The following DMD variants were observed in gnomAD, a reference collection of about 807,000 sequenced individuals.
DMD encodes mutant dystrophin.
A neutral mutation model predicts 330.1 loss-of-function variants in DMD; 63 were observed. The ratio of observed to expected loss-of-function variants is 0.19; its 90% CI spans 0.16 to 0.24. The LOEUF is 0.24. Among genes scored for constraint, DMD ranks in the 10% least tolerant of loss-of-function variants. The pLI, the probability that DMD is intolerant of heterozygous loss-of-function variation, is 1.00. For missense variants in DMD, 3,344 were observed against 2,684.1 expected (o/e 1.25, Z -5.43); for synonymous variants, 1,223 against 959.8 (o/e 1.27, Z -5.07).
intron 76 of DMD, among the ~76,000 whole-genome samples, chrX:31,138,625 GA>G (rs1363884840): frequency 9.2e-3 from 2 of 218 alleles, no homozygotes; most frequent in East Asian, 0.067. Flanking sequence ...ATGGCAGCAG[GA>G]GAGAGAGAGA....
chrX:31,920,890 T>C (rs1384159333), intron 47 of DMD, among the ~76,000 whole-genome samples: 1 of 112,417 alleles, frequency 8.9e-6, no homozygotes, highest in Non-Finnish European at 1.9e-5. Flanking sequence ...AACAATGAAG[T>C]TTCACTATGG....
chrX:31,302,821 C>T (rs1433010410), intron 62 of DMD, among the ~76,000 whole-genome samples: 1 of 111,522 alleles, frequency 9.0e-6, no homozygotes, highest in Non-Finnish European at 1.9e-5. Context: ...AGACCTCTGA[C>T]AAGCAACCAA....
intron 1 of DMD, among the ~76,000 whole-genome samples, chrX:33,232,282 T>C (rs1333871720): frequency 9.0e-6 from 1 of 111,346 alleles, no homozygotes; most frequent in South Asian, 3.7e-4. Flanking sequence ...AAGGAAAAAA[T>C]GAAAGTAAAA....
intron 62 of DMD, among the ~76,000 whole-genome samples, chrX:31,286,957 G>C (rs2053260643): frequency 8.9e-6 from 1 of 112,242 alleles, no homozygotes; most frequent in African/African-American, 3.2e-5. Flanking sequence ...GTAGAGACAG[G>C]TTTCGCCATG....
At chrX:31,944,663 CTTTTTTTT>C (rs1176678451) in intron 45 of DMD, among the ~76,000 whole-genome samples, 2 of 81,507 alleles carry the variant, frequency 2.5e-5, no homozygotes, top group East Asian at 7.9e-4. Flanking sequence ...TTTTGTTCTG[CTTTTTTTT>C]TTTTTTTTTT....
chrX:32,287,285 G>A (rs997423778), intron 43 of DMD, among the ~76,000 whole-genome samples: 31 of 111,627 alleles, frequency 2.8e-4, no homozygotes, highest in African/African-American at 1.0e-3. Context: ...ACGATTACCT[G>A]AAATTTTAGA....
At chrX:31,515,570 A>T (rs1291125475) in intron 55 of DMD, among the ~76,000 whole-genome samples, 4 of 112,124 alleles carry the variant, frequency 3.6e-5, no homozygotes, top group Non-Finnish European at 7.5e-5. Context: ...ATTTCTAAGA[A>T]CTTAGAAGGT....
chrX:33,112,970 AT>A (rs1437903889), intron 1 of DMD, among the ~76,000 whole-genome samples: 9 of 110,160 alleles, frequency 8.2e-5, no homozygotes, highest in African/African-American at 2.6e-4. Context: ...AATAAAATAA[AT>A]AAAGTAAAAA....
intron 1 of DMD, among the ~76,000 whole-genome samples, chrX:33,062,529 T>A (rs1166843246): frequency 5.3e-5 from 6 of 112,239 alleles, no homozygotes; most frequent in Non-Finnish European, 7.5e-5. Flanking sequence ...CAGGCTGGAG[T>A]GCAGTGGTGT....
At chrX:32,727,287 C>T (rs1165664449) in intron 7 of DMD, among the ~76,000 whole-genome samples, 4 of 111,098 alleles carry the variant, frequency 3.6e-5, no homozygotes, top group African/African-American at 1.3e-4. Context: ...CACATTATCT[C>T]ATTTGCTCCT....
At chrX:31,944,653 T>C (rs1314410547) in intron 45 of DMD, among the ~76,000 whole-genome samples, 1 of 102,784 alleles carries the variant, frequency 9.7e-6, no homozygotes, top group Non-Finnish European at 2.0e-5. Context: ...GTTTGTTTTG[T>C]TTTGTTCTGC....
intron 45 of DMD, among the ~76,000 whole-genome samples, chrX:31,953,455 T>C (rs1220538784): frequency 8.9e-6 from 1 of 112,145 alleles, no homozygotes; most frequent in East Asian, 2.8e-4. Context: ...CTGGGGGCAA[T>C]ACAGGCAAAT....
At chrX:32,702,243 C>G (rs1447359616) in intron 7 of DMD, among the ~76,000 whole-genome samples, 1 of 112,051 alleles carries the variant, frequency 8.9e-6, no homozygotes, top group Non-Finnish European at 1.9e-5. Flanking sequence ...CTAATTGGCA[C>G]AACCAGTTGT....
At chrX:31,709,773 T>C (rs917495355) in intron 52 of DMD, among the ~76,000 whole-genome samples, 1 of 111,652 alleles carries the variant, frequency 9.0e-6, no homozygotes, top group Non-Finnish European at 1.9e-5. Flanking sequence ...TATTTCTATG[T>C]ATACATATAT....
intron 60 of DMD, among the ~76,000 whole-genome samples, chrX:31,350,401 T>G (rs2058326508): frequency 8.9e-6 from 1 of 112,318 alleles, no homozygotes; most frequent in African/African-American, 3.2e-5. Context: ...ATAATTCATT[T>G]TAGTTATATG....
intron 47 of DMD, among the ~76,000 whole-genome samples, chrX:31,900,717 T>A (rs979917062): frequency 6.3e-5 from 7 of 110,882 alleles, no homozygotes; most frequent in African/African-American, 2.3e-4. Flanking sequence ...GAAAGGAAAA[T>A]GTGGGACAGT....
At chrX:31,360,208 C>T (rs1262185200) in intron 60 of DMD, among the ~76,000 whole-genome samples, 1 of 111,166 alleles carries the variant, frequency 9.0e-6, no homozygotes, top group African/African-American at 3.3e-5. Flanking sequence ...TTTAGTTGTT[C>T]ATGGGAAGGC....
chrX:33,025,983 C>T (rs2093988287), intron 1 of DMD, among the ~76,000 whole-genome samples: 1 of 111,494 alleles, frequency 9.0e-6, no homozygotes, highest in Non-Finnish European at 1.9e-5. Context: ...AAAGTTGATA[C>T]CAGTTTAGAA....
chrX:32,109,244 T>A (rs939677701), intron 44 of DMD, among the ~76,000 whole-genome samples: 19 of 107,207 alleles, frequency 1.8e-4, no homozygotes, highest in Admixed American at 7.0e-4. Context: ...TACAATACAA[T>A]TTTTTTTTTG....
Sources: gnomAD v4.1 joint callset for allele counts (sites outside exome capture counted in the v4.1 genomes callset) on GRCh38, gnomAD v4.1.1 for gene constraint, MANE v1.5 for transcripts, NCBI Gene and HGNC (gene_info 2026-07-23, HGNC 2026-07-21) for gene names.